ACSL5: variants seen among roughly 807,000 people sequenced by gnomAD.
ACSL5 encodes the protein acyl-CoA synthetase long chain family member 5, also known as long-chain-fatty-acid--CoA ligase 5.
A neutral mutation model predicts 84.9 loss-of-function variants in ACSL5; 50 were observed. The ratio of observed to expected loss-of-function variants is 0.59; its 90% CI spans 0.47 to 0.75. The LOEUF is 0.75. ACSL5 is among the 30% of genes least tolerant of loss of function. The probability of loss-of-function intolerance (pLI) is 0.00; values close to 1 mark genes in which losing one functional copy is unlikely to be tolerated. For missense variants in ACSL5, 775 were observed against 830.4 expected (o/e 0.93, Z 0.82); for synonymous variants, 280 against 300.7 (o/e 0.93, Z 0.71).
At chr10:112,396,259 C>G (rs868098003) in intron 2 of ACSL5, 6 of 152,204 alleles carry the variant, frequency 3.9e-5, no homozygotes, top group African/African-American at 1.2e-4. Flanking sequence ...TTGTTCTTTC[C>G]TCTCTTCATA....
At chr10:112,404,248 A>G (rs1460416767) in intron 3 of ACSL5, among the ~76,000 whole-genome samples, 2 of 152,226 alleles carry the variant, frequency 1.3e-5, no homozygotes, top group African/African-American at 4.8e-5. Context: ...GAATGTCTAC[A>G]TTATCATGGA....
At chr10:112,384,986 T>A (rs568444529) in intron 1 of ACSL5, among the ~76,000 whole-genome samples, 1 of 152,350 alleles carries the variant, frequency 6.6e-6, no homozygotes, top group East Asian at 1.9e-4. Context: ...CTTTCTTTTT[T>A]AAAATACCTG....
At chr10:112,382,559 A>G (rs1299222381) in intron 1 of ACSL5, among the ~76,000 whole-genome samples, 1 of 152,182 alleles carries the variant, frequency 6.6e-6, no homozygotes, top group Non-Finnish European at 1.5e-5. Flanking sequence ...ACCCGAGGAA[A>G]GGGCTTATTC....
rs980672867 is a variant in ACSL5 at position 112,426,332 on chromosome 10, C to T, written c.1812C>T (p.Gly604=). ...PSFAAKLGVK[G]SFEELCQNQV... is the part of the protein sequence containing the mutation. ...TTGCAGCCAAGCTTGGGGTGAAGGGCTCCTTTGAGGAACTGTGCCAAAACC... is the reference window on the plus strand; with the variant it reads ...TTGCAGCCAAGCTTGGGGTGAAGGGTTCCTTTGAGGAACTGTGCCAAAACC... The change falls in exon 19 of 21, where the codon GGC becomes GGT. Residue 604 remains glycine (G), a synonymous_variant. Coordinates refer to ENST00000354655, the MANE Select transcript of ACSL5 (RefSeq NM_203379.2). 2.5e-6 allele frequency: 4 copies of T among 1,613,964 alleles called. No homozygotes were observed. The African/African-American group carries it at 4.0e-5, about 16-fold the overall frequency.
chr10:112,387,108 G>A (rs141702046), intron 1 of ACSL5, among the ~76,000 whole-genome samples: 146 of 152,284 alleles, frequency 9.6e-4, no homozygotes, highest in African/African-American at 3.4e-3. Context: ...AGCTTGGGTA[G>A]CTGAGAATAG....
chr10:112,394,488 A>G (rs1843703459), intron 1 of ACSL5, among the ~76,000 whole-genome samples: 1 of 152,194 alleles, frequency 6.6e-6, no homozygotes. Flanking sequence ...ATACGGGGGA[A>G]TCCAACTGGA....
intron 2 of ACSL5, among the ~76,000 whole-genome samples, chr10:112,398,586 G>A (rs1157289601): frequency 6.6e-6 from 1 of 151,858 alleles, no homozygotes; most frequent in Non-Finnish European, 1.5e-5. Context: ...TGTATTTTTA[G>A]TAGAGACGGG....
At chr10:112,398,646 C>T (rs1589681984) in intron 2 of ACSL5, among the ~76,000 whole-genome samples, 1 of 152,134 alleles carries the variant, frequency 6.6e-6, no homozygotes, top group East Asian at 1.9e-4. Context: ...CTCAGGTGAT[C>T]CACCCGCCTC....
chr10:112,398,664 C>G (rs568041000), intron 2 of ACSL5, among the ~76,000 whole-genome samples: 15 of 152,198 alleles, frequency 9.9e-5, no homozygotes, highest in Non-Finnish European at 1.3e-4. Context: ...CTCAGCCTCC[C>G]AAAGTGCTGG....
chr10:112,401,447 T>C (rs981092397), intron 3 of ACSL5, among the ~76,000 whole-genome samples: 2 of 152,210 alleles, frequency 1.3e-5, no homozygotes, highest in Non-Finnish European at 2.9e-5. Context: ...TATACCAGAG[T>C]TGGAATTCTA....
chr10:112,409,178 ATCC>A, intron 6 of ACSL5: 2 of 242,122 alleles, frequency 8.3e-6, no homozygotes, highest in East Asian at 8.7e-5. Flanking sequence ...ATTCCCTACT[ATCC>A]TCCTCAAATA....
intron 1 of ACSL5, among the ~76,000 whole-genome samples, chr10:112,374,505 G>A (rs565940375): frequency 5.3e-5 from 8 of 152,312 alleles, no homozygotes; most frequent in African/African-American, 1.9e-4. Flanking sequence ...GCAGGGGATG[G>A]AATTGGAAGG....
chr10:112,427,265 G>A lies in ACSL5; in HGVS notation c.1959G>A (p.Gly653=). ...CAGAGCCATTTTCCATTGAAAATGGGCTCTTGACACCAACATTGAAAGCAA... is the reference window on the plus strand; with the variant it reads ...CAGAGCCATTTTCCATTGAAAATGGACTCTTGACACCAACATTGAAAGCAA... ...LHPEPFSIEN[G]LLTPTLKAKR... The change falls in exon 21 of 21, where the codon GGG becomes GGA. Residue 653 remains glycine, a synonymous_variant. Coordinates refer to ENST00000354655, the MANE Select transcript of ACSL5 (RefSeq NM_203379.2). 4.3e-6 allele frequency: 7 copies of A among 1,613,450 alleles called. No individual in the cohort carries two copies. Among genetic ancestry groups the A allele is most frequent in the Non-Finnish European group, 5.9e-6 (7 of 1,179,742 alleles).
At chr10:112,376,384 G>A (rs1329125146) in intron 1 of ACSL5, 5 of 1,614,120 alleles carry the variant, frequency 3.1e-6, no homozygotes, top group Non-Finnish European at 4.2e-6. Context: ...CGTGTGGCAG[G>A]AAGAACTCAG....
Position 112,410,725 on chromosome 10 carries a change from C to T in ACSL5, c.796+90C>T. 4.4e-6 allele frequency: 6 copies of T among 1,362,806 alleles called. No homozygotes were observed. The Middle Eastern group carries it at 7.5e-4, about 171-fold the overall frequency. The allele number at this position is 1,362,806 out of a possible 1,614,324, so 84.4% of individuals were successfully genotyped here. On this transcript the variant is annotated intron_variant, in intron 9 of 20. Coordinates refer to ENST00000354655, the MANE Select transcript of ACSL5 (RefSeq NM_203379.2). ...CCACTGGTAGGCTGGTAAATACTCC[C>T]TCTAAAGAGCCCTATACTTAGGGGC...
At chr10:112,394,604 C>A in intron 1 of ACSL5, 1 of 445,406 alleles carries the variant, frequency 2.2e-6, no homozygotes, top group Non-Finnish European at 3.0e-6. Context: ...CTTTGTGCAC[C>A]AACATTAAAA....
chr10:112,387,828 G>C (rs550192948), intron 1 of ACSL5, among the ~76,000 whole-genome samples: 1 of 151,794 alleles, frequency 6.6e-6, no homozygotes, highest in Non-Finnish European at 1.5e-5. Flanking sequence ...AATTAATGAA[G>C]GCAGATTTTT....
Position 112,428,264 on chromosome 10 carries a change from C to T in ACSL5, c.*906C>T, listed in dbSNP as rs532643604. 7.7e-6 allele frequency: 3 copies of T among 387,652 alleles called. No individual in the cohort carries two copies. The highest frequency in any genetic ancestry group is 6.2e-5 in the African/African-American group (3 of 48,486). The allele number at this position is 387,652 out of a possible 1,614,324, so 24.0% of individuals were successfully genotyped here. A position where few individuals can be genotyped will look rare whatever the true frequency, so the allele number is the denominator to read the frequency against. On this transcript the variant is annotated 3_prime_UTR_variant, in exon 21 of 21. Coordinates refer to ENST00000354655, the MANE Select transcript of ACSL5 (RefSeq NM_203379.2). ...AACAGGCTTATTTTCTGTGAAGGAA[C>T]CAACTGATCTCCCCCACCCTTGGAT...
At chr10:112,376,560 G>A in intron 1 of ACSL5, 4 of 1,461,736 alleles carry the variant, frequency 2.7e-6, no homozygotes, top group Non-Finnish European at 2.8e-6. Flanking sequence ...TAGAATCAAG[G>A]GCCGGCTGAG....
Sources: allele counts gnomAD v4.1 joint callset (sites outside exome capture counted in the v4.1 genomes callset), GRCh38; gene constraint gnomAD v4.1.1; transcripts MANE v1.5; gene names NCBI Gene and HGNC (gene_info 2026-07-23, HGNC 2026-07-21).